SEC23IP: variants seen among roughly 807,000 people sequenced by gnomAD.
SEC23IP encodes the protein SEC23 interacting protein.
A neutral mutation model predicts 113.4 loss-of-function variants in SEC23IP; 70 were observed. That is an observed-to-expected ratio of 0.62 (90% CI 0.51 to 0.75). SEC23IP has a LOEUF of 0.75. Among genes scored for constraint, SEC23IP ranks in the 30% least tolerant of loss-of-function variants. The pLI, the probability that SEC23IP is intolerant of heterozygous loss-of-function variation, is 0.00. For synonymous variants in SEC23IP, 398 were observed against 421.0 expected (o/e 0.95, Z 0.67); for missense variants, 1,160 against 1,204.9 (o/e 0.96, Z 0.55).
At chr10:119,932,014 A>ATT (rs1855621570) in intron 15 of SEC23IP, 119 bp from the exon 16 acceptor site, 1 of 621,374 alleles carries the variant, frequency 1.6e-6, no homozygotes, top group African/African-American at 1.8e-5. Flanking sequence ...TATATTTGAC[A>ATT]TTGAAAAGAG....
intron 8 of SEC23IP, among the ~76,000 whole-genome samples, chr10:119,916,673 A>T (rs1855063140): frequency 6.6e-6 from 1 of 151,940 alleles, no homozygotes; most frequent in African/African-American, 2.4e-5. Flanking sequence ...TTTCTGTTTG[A>T]TATTCTCTTT....
intron 13 of SEC23IP, among the ~76,000 whole-genome samples, chr10:119,927,746 C>T (rs1488267978): frequency 6.6e-6 from 1 of 152,206 alleles, no homozygotes; most frequent in African/African-American, 2.4e-5. Context: ...CACAATTCAA[C>T]CCATCATATT....
In SEC23IP at chr10:119,935,838, G is replaced by A. The variant is rs191779320; in HGVS notation, c.*20+2051G>A. On this transcript the variant is annotated intron_variant, in intron 18 of 18. Transcript: ENST00000369075. ...GCAAGGGACCCCCTTCACGGGTAAA[G>A]TAAAGTGTCATTTGAGCAAGCGAGC... 2.0e-5 allele frequency among the ~76,000 whole-genome samples: 3 copies of A among 152,328 alleles called. No homozygotes were observed. The East Asian group carries it at 5.8e-4, about 29-fold the overall frequency.
At position 119,919,445 on chromosome 10, in the gene SEC23IP, T is replaced by C. The variant is rs369465677; in HGVS notation, c.1874T>C (p.Met625Thr). The C allele has an allele frequency of 3.7e-5, 59 of 1,590,056 alleles. No individual in the cohort carries two copies. In the African/African-American group the frequency reaches 6.8e-4, roughly 18 times the overall value. Residue 625 changes from methionine (M) to threonine (T), a missense_variant and splice_region_variant, in exon 11 of 19, where the codon ATG becomes ACG. Coordinates refer to ENST00000369075, the MANE Select transcript of SEC23IP (RefSeq NM_007190.4). ...TTTTTCATACTTTTTTTTTTAAAGA[T>C]GCCTGAAGAGCCAAAGCTGACTTTG... The part of the protein sequence containing the change: ...VKQLHFQEKQ[M>T]PEEPKLTLDE...
At chr10:119,911,670 T>G (rs1180298768) in intron 5 of SEC23IP, among the ~76,000 whole-genome samples, 1 of 152,108 alleles carries the variant, frequency 6.6e-6, no homozygotes, top group Non-Finnish European at 1.5e-5. Context: ...GAGATGGGTC[T>G]CACCATATTG....
intron 18 of SEC23IP, among the ~76,000 whole-genome samples, chr10:119,937,604 T>C (rs1855837157): frequency 6.6e-6 from 1 of 151,360 alleles, no homozygotes. Flanking sequence ...CCCACCTGGA[T>C]GACAGAGCGA....
At position 119,933,711 on chromosome 10, in the gene SEC23IP, C is replaced by T; in HGVS notation, c.2947C>T (p.Leu983=). The T allele has an allele frequency of 6.3e-7, 1 of 1,587,612 alleles. No homozygotes were observed. The highest frequency in any genetic ancestry group is 8.6e-7 in the Non-Finnish European group (1 of 1,156,348). ...GGAATCTGAAGATACTGCTCTGTTA[C>T]TACTTAAAGAAATTTATCGAACAAT... The part of the protein sequence containing the change: ...YWESEDTALL[L]LKEIYRTMNI... Residue 983 remains leucine (L), a synonymous_variant, in exon 18 of 19, where the codon CTA becomes TTA. Transcript: ENST00000369075.
chr10:119,902,673 G>C (rs766884814), intron 2 of SEC23IP, 126 bp from the exon 3 acceptor site: 6 of 781,782 alleles, frequency 7.7e-6, no homozygotes, highest in Non-Finnish European at 1.3e-5. Context: ...TTGGGGTCTA[G>C]TTATTACACT....
intron 12 of SEC23IP, among the ~76,000 whole-genome samples, 159 bp downstream of exon 12, chr10:119,921,143 G>C (rs1318106722): frequency 6.6e-6 from 1 of 152,204 alleles, no homozygotes; most frequent in African/African-American, 2.4e-5. Context: ...TTAGGAGTCA[G>C]AGTTGGGCTT....
chr10:119,898,289 CTG>C (rs144326454), intron 1 of SEC23IP, 136 bp from the exon 2 acceptor site: 393,150 of 1,324,178 alleles, frequency 0.3, 63,087 homozygotes, highest in East Asian at 0.55. Context: ...AAAGAAAAAA[CTG>C]TTTTTTTCTG....
At chr10:119,937,389 G>A (rs1855830078) in intron 18 of SEC23IP, among the ~76,000 whole-genome samples, 1 of 151,824 alleles carries the variant, frequency 6.6e-6, no homozygotes, top group Non-Finnish European at 1.5e-5. Context: ...ACTTTGGCAG[G>A]CCGAGGTGGA....
At chr10:119,932,958 T>G in intron 16 of SEC23IP, 47 bp from the exon 17 acceptor site, 1 of 1,555,800 alleles carries the variant, frequency 6.4e-7, no homozygotes, top group South Asian at 1.1e-5. Context: ...AGTCAAAGGA[T>G]AAAGATTAAG....
chr10:119,904,246 C>G lies in SEC23IP; in HGVS notation c.1070C>G (p.Pro357Arg). ...YKGDTDSRFIPYTEEFSEKLE... is the reference protein window; with the variant it reads ...YKGDTDSRFIRYTEEFSEKLE... ...GGGGACACAGATAGTCGATTTATTC[C>G]CTATACTGAGGAGTTCAGTGAAAAA... The change falls in exon 4 of 19, where the codon CCC becomes CGC. Residue 357 changes from proline (P) to arginine (R), a missense_variant. Physicochemically the swap from Pro to Arg is moderately radical, Grantham distance 103. Transcript: ENST00000369075. 1 of 1,614,088 alleles carries G rather than the reference C, an allele frequency of 6.2e-7. No homozygotes were observed. The highest frequency in any genetic ancestry group is 8.5e-7 in the Non-Finnish European group (1 of 1,180,028).
intron 5 of SEC23IP, among the ~76,000 whole-genome samples, chr10:119,910,448 T>C (rs1291379301): frequency 6.6e-6 from 1 of 152,200 alleles, no homozygotes; most frequent in African/African-American, 2.4e-5. Context: ...GCATGGGGCT[T>C]AGCACACAGT....
In SEC23IP at chr10:119,944,234, G is replaced by C. The variant is rs1251062457; in HGVS notation, c.*3669G>C. The C allele has an allele frequency of 2.0e-5, 3 of 152,132 alleles. No homozygotes were observed. Among genetic ancestry groups the C allele is most frequent in the Non-Finnish European group, 2.9e-5 (2 of 68,018 alleles). The allele number at this position is 152,132 out of a possible 1,614,324, so 9.4% of individuals were successfully genotyped here. On this transcript the variant is annotated 3_prime_UTR_variant, in exon 19 of 19. Transcript: ENST00000369075. ...AGATCTGATGGTTTTAAAAGTGGCA[G>C]TTTTCCCTGCACTCTCTCCTGCCAC... is the stretch of plus-strand genomic sequence containing the variant.
intron 5 of SEC23IP, among the ~76,000 whole-genome samples, chr10:119,910,236 C>G (rs537144600): frequency 3.3e-5 from 5 of 152,264 alleles, no homozygotes; most frequent in East Asian, 3.9e-4. Flanking sequence ...TCTAACCTTT[C>G]AAGTAAAAAT....
At chr10:119,910,799 A>G (rs1280931060) in intron 5 of SEC23IP, among the ~76,000 whole-genome samples, 1 of 151,870 alleles carries the variant, frequency 6.6e-6, no homozygotes, top group African/African-American at 2.4e-5. Flanking sequence ...CTCCTGCCTC[A>G]GCCTCCCGAG....
At position 119,929,601 on chromosome 10, in the gene SEC23IP, T is replaced by C; in HGVS notation, c.2314-6T>C. ...TCATCTTTCATTGTTATTTGATTCT[T>C]TCCAGGTTTCTGTTGCTTACAACTC... On this transcript the variant is annotated splice_region_variant and splice_polypyrimidine_tract_variant and intron_variant, in intron 13 of 18. Coordinates refer to ENST00000369075, the MANE Select transcript of SEC23IP (RefSeq NM_007190.4). 6.2e-7 allele frequency: 1 copy of C among 1,602,404 alleles called. No individual in the cohort carries two copies. The highest frequency in any genetic ancestry group is 1.1e-5 in the South Asian group (1 of 89,234).
chr10:119,910,216 T>G (rs927377987), intron 5 of SEC23IP, among the ~76,000 whole-genome samples: 1 of 152,244 alleles, frequency 6.6e-6, no homozygotes, highest in Non-Finnish European at 1.5e-5. Flanking sequence ...CTGCCCTTGA[T>G]GTGGTTTGCT....
Sources: allele counts gnomAD v4.1 joint callset (sites outside exome capture counted in the v4.1 genomes callset), GRCh38; gene constraint gnomAD v4.1.1; transcripts MANE v1.5; gene names NCBI Gene and HGNC (gene_info 2026-07-23, HGNC 2026-07-21).